ASAP1: variants seen among roughly 807,000 people sequenced by gnomAD.
ASAP1 encodes ArfGAP with SH3 domain, ankyrin repeat and PH domain 1.
Under a neutral mutation model 145.2 loss-of-function variants are expected in ASAP1, and 43 were observed. The observed-to-expected ratio is 0.30, with a 90% CI of 0.23 to 0.38. The LOEUF is 0.38. Ranked by LOEUF, ASAP1 falls within the 10% of genes least tolerant of loss-of-function variation. The pLI, the probability that ASAP1 is intolerant of heterozygous loss-of-function variation, is 1.00. For missense variants in ASAP1, 1,018 were observed against 1,355.3 expected (o/e 0.75, Z 3.91); for synonymous variants, 546 against 515.5 (o/e 1.06, Z -0.80).
intron 15 of ASAP1, among the ~76,000 whole-genome samples, chr8:130,129,700 C>T (rs1338409297): frequency 1.3e-5 from 2 of 151,726 alleles, no homozygotes; most frequent in Non-Finnish European, 2.9e-5. Flanking sequence ...AATTAAAAAC[C>T]AAATTATGTT....
chr8:130,154,638 C>T (rs1043445679), intron 12 of ASAP1, among the ~76,000 whole-genome samples: 4 of 152,128 alleles, frequency 2.6e-5, no homozygotes, highest in Non-Finnish European at 2.9e-5. Flanking sequence ...TTAAATTAGT[C>T]CTCTAAGAAA....
At chr8:130,109,989 G>A (rs935352912) in intron 24 of ASAP1, among the ~76,000 whole-genome samples, 3 of 152,126 alleles carry the variant, frequency 2.0e-5, no homozygotes, top group African/African-American at 4.8e-5. Flanking sequence ...GGAAAGTACT[G>A]TATCCTTAGA....
intron 23 of ASAP1, among the ~76,000 whole-genome samples, chr8:130,114,342 A>C (rs1386568646): frequency 6.6e-6 from 1 of 152,242 alleles, no homozygotes; most frequent in Non-Finnish European, 1.5e-5. Flanking sequence ...CATTGTAAAC[A>C]ACTGTAACAC....
At chr8:130,133,385 G>A (rs866712195) in intron 15 of ASAP1, among the ~76,000 whole-genome samples, 35 of 151,824 alleles carry the variant, frequency 2.3e-4, no homozygotes, top group Middle Eastern at 3.5e-3. Flanking sequence ...GGCCGGGCGC[G>A]GTGGCTCACG....
At chr8:130,423,064 C>T (rs1829783652) in intron 1 of ASAP1, among the ~76,000 whole-genome samples, 1 of 152,114 alleles carries the variant, frequency 6.6e-6, no homozygotes, top group African/African-American at 2.4e-5. Context: ...CTAAATTGCG[C>T]CATTGGTTTC....
chr8:130,222,443 T>C (rs1465738020), intron 4 of ASAP1, among the ~76,000 whole-genome samples: 1 of 152,202 alleles, frequency 6.6e-6, no homozygotes, highest in Admixed American at 6.5e-5. Context: ...CTCAAGGCAG[T>C]TGCTTTATAG....
At chr8:130,118,285 T>C (rs762324529) in intron 19 of ASAP1, 39 bp from the exon 20 acceptor site, 1 of 1,593,286 alleles carries the variant, frequency 6.3e-7, no homozygotes, top group East Asian at 2.2e-5. Context: ...GTCAATAATA[T>C]GCTCTGCCAA....
At chr8:130,285,017 G>T (rs1467224460) in intron 3 of ASAP1, among the ~76,000 whole-genome samples, 1 of 152,000 alleles carries the variant, frequency 6.6e-6, no homozygotes, top group Non-Finnish European at 1.5e-5. Context: ...CCCTATTTAA[G>T]ACCTAAGAAA....
chr8:130,056,800 G>A (rs536841298), intron 29 of ASAP1, among the ~76,000 whole-genome samples: 35 of 152,340 alleles, frequency 2.3e-4, no homozygotes, highest in Non-Finnish European at 1.3e-4. Flanking sequence ...CGGGGCTCAG[G>A]CTGCCAAGGA....
intron 15 of ASAP1, among the ~76,000 whole-genome samples, chr8:130,131,663 G>A (rs1435556999): frequency 6.6e-6 from 1 of 150,810 alleles, no homozygotes; most frequent in African/African-American, 2.4e-5. Context: ...GGTGATGCGT[G>A]CTTATAGCAC....
At chr8:130,405,607 G>A (rs1329103559) in intron 1 of ASAP1, among the ~76,000 whole-genome samples, 3 of 152,190 alleles carry the variant, frequency 2.0e-5, no homozygotes, top group Non-Finnish European at 4.4e-5. Flanking sequence ...TTTATGAAAT[G>A]AGGCCACTAA....
intron 2 of ASAP1, among the ~76,000 whole-genome samples, chr8:130,396,857 T>C (rs80215014): frequency 6.6e-6 from 1 of 152,216 alleles, no homozygotes; most frequent in Non-Finnish European, 1.5e-5. Context: ...AGGTTTCTCA[T>C]GGGCTTGGTT....
chr8:130,228,034 C>A (rs1279442245), intron 4 of ASAP1, among the ~76,000 whole-genome samples: 1 of 152,082 alleles, frequency 6.6e-6, no homozygotes, highest in Non-Finnish European at 1.5e-5. Context: ...CTATCAACTC[C>A]CCTTTGGGTA....
chr8:130,313,258 A>T (rs2137564793), intron 3 of ASAP1, among the ~76,000 whole-genome samples: 1 of 152,252 alleles, frequency 6.6e-6, no homozygotes, highest in African/African-American at 2.4e-5. Flanking sequence ...GGGTCCCTAA[A>T]ATAAAACATA....
Position 130,422,824 on chromosome 8 carries a change from T to G in ASAP1, c.-28+20636A>C, listed in dbSNP as rs142973206. On this transcript the variant is annotated intron_variant, in intron 1 of 29. Transcript: ENST00000518721. ...AATTCTGGGACTTGGAGCAAGCCAG[T>G]AAGCAGGCTGAAGCCTCAGTTTCCT... is the stretch of plus-strand genomic sequence containing the variant. Among the ~76,000 whole-genome samples, 420 of 152,336 alleles carry G rather than the reference T, an allele frequency of 2.8e-3. 1 individual carries two copies. Among genetic ancestry groups the G allele is most frequent in the African/African-American group, 9.6e-3 (398 of 41,574 alleles).
chr8:130,092,056 G>T lies in ASAP1; in HGVS notation c.2489C>A (p.Pro830Gln). 4 of 1,573,342 alleles carry T rather than the reference G, an allele frequency of 2.5e-6. No individual in the cohort carries two copies. The highest frequency in any genetic ancestry group is 3.4e-6 in the Non-Finnish European group (4 of 1,164,528). ...TAGGGTTCTCTTGTGTCCGGGTGGT[G>T]GGGGAGGAGGCCTCTTCTTGGATAG... Reference protein sequence around the residue: ...STLSKKRPPPPPPGHKRTLSD... With the variant: ...STLSKKRPPPQPPGHKRTLSD... The change falls in exon 25 of 30, where the codon CCA (proline) becomes CAA (glutamine). Residue 830 changes from proline to glutamine, a missense_variant. Coordinates refer to ENST00000518721, the MANE Select transcript of ASAP1 (RefSeq NM_018482.4).
At chr8:130,233,038 T>C (rs766768317) in intron 4 of ASAP1, among the ~76,000 whole-genome samples, 1 of 152,310 alleles carries the variant, frequency 6.6e-6, no homozygotes, top group African/African-American at 2.4e-5. Context: ...TTAAATGTCA[T>C]AGTGCTGCCC....
At chr8:130,411,299 C>T (rs1023248085) in intron 1 of ASAP1, among the ~76,000 whole-genome samples, 6 of 152,260 alleles carry the variant, frequency 3.9e-5, no homozygotes, top group Non-Finnish European at 2.9e-5. Flanking sequence ...CAAGAGCTTG[C>T]TCTCAGCCAC....
rs199811164 is a variant in ASAP1 at position 130,148,841 on chromosome 8, C to CT, written c.1080+3894dup. Among the ~76,000 whole-genome samples, 583 of 151,696 alleles carry CT rather than the reference C, an allele frequency of 3.8e-3. 8 individuals are homozygous for CT. Among genetic ancestry groups the CT allele is most frequent in the African/African-American group, 0.013 (556 of 41,366 alleles). ...TTATACTTGAGTTTTGAGGCTAAAACTTTTTTTTCTTGAGACAGGGCCTGG... is the reference window on the plus strand; with the variant it reads ...TTATACTTGAGTTTTGAGGCTAAAACTTTTTTTTTCTTGAGACAGGGCCTGG... On this transcript the variant is annotated intron_variant, in intron 13 of 29. Transcript: ENST00000518721.
Sources: gnomAD v4.1 joint callset for allele counts (sites outside exome capture counted in the v4.1 genomes callset) on GRCh38, gnomAD v4.1.1 for gene constraint, MANE v1.5 for transcripts, NCBI Gene and HGNC (gene_info 2026-07-23, HGNC 2026-07-21) for gene names.